PYY: variants seen among roughly 807,000 people sequenced by gnomAD.
The protein encoded by PYY is peptide tyrosine tyrosine.
PYY carries 12 observed loss-of-function variants against 10.3 expected under a neutral mutation model. That is an observed-to-expected ratio of 1.17 (90% confidence interval 0.75 to 1.89). The LOEUF is 1.89. PYY is among the 40% of genes most tolerant of loss of function. PYY has a pLI of 0.00. For missense variants in PYY, 141 were observed against 134.0 expected (o/e 1.05, Z -0.26); for synonymous variants, 66 against 62.0 (o/e 1.06, Z -0.30).
chr17:43,979,066 G>T (rs1273791809), intron 1 of PYY, among the ~76,000 whole-genome samples: 1 of 152,208 alleles, frequency 6.6e-6, no homozygotes, highest in Non-Finnish European at 1.5e-5. Flanking sequence ...AAAGTGAAAA[G>T]CTGGAAGGAT....
chr17:43,983,246 A>AAACAAC (rs529327957), intron 1 of PYY, among the ~76,000 whole-genome samples: 7 of 152,054 alleles, frequency 4.6e-5, no homozygotes, highest in African/African-American at 9.6e-5. Flanking sequence ...AACAAACAAA[A>AAACAAC]AACAACAACA....
intron 1 of PYY, among the ~76,000 whole-genome samples, chr17:43,970,333 C>G (rs1021615992): frequency 1.3e-5 from 2 of 150,894 alleles, no homozygotes; most frequent in African/African-American, 4.9e-5. Flanking sequence ...CATGAAAAAA[C>G]CCCATCTCTA....
chr17:43,990,744 C>T lies in PYY; in HGVS notation c.-463+13647G>A, dbSNP rs960231197. Among the ~76,000 whole-genome samples the T allele has an allele frequency of 2.7e-5, 4 of 150,122 alleles. No homozygotes were observed. The East Asian group carries it at 5.9e-4, about 22-fold the overall frequency. On this transcript the variant is annotated intron_variant, in intron 1 of 6. Transcript: ENST00000360085. Reference sequence around the variant, plus strand: ...CTACAATGTAACACTATGCAGTCACCTAAAAGATGATTACGAAATTTATGA... The same window carrying T: ...CTACAATGTAACACTATGCAGTCACTTAAAAGATGATTACGAAATTTATGA...
upstream of PYY, among the ~76,000 whole-genome samples, chr17:43,957,058 C>T (rs576362443): frequency 2.0e-4 from 31 of 151,958 alleles, no homozygotes; most frequent in Non-Finnish European, 3.2e-4. Flanking sequence ...ATTAGCCAAG[C>T]GTCGTGGCGC....
intron 1 of PYY, among the ~76,000 whole-genome samples, chr17:43,984,716 T>C (rs1034159645): frequency 2.6e-5 from 4 of 152,226 alleles, no homozygotes; most frequent in African/African-American, 9.6e-5. Flanking sequence ...GGAAGGCCCA[T>C]ACCAGGCAGT....
At chr17:43,977,063 C>T (rs2048854139) in intron 1 of PYY, among the ~76,000 whole-genome samples, 1 of 152,200 alleles carries the variant, frequency 6.6e-6, no homozygotes, top group Admixed American at 6.5e-5. Flanking sequence ...TCCACCCTCT[C>T]ATGTCCCCCC....
At chr17:43,964,579 C>T (rs1384606274) in intron 2 of PYY, among the ~76,000 whole-genome samples, 2 of 152,106 alleles carry the variant, frequency 1.3e-5, no homozygotes, top group South Asian at 2.1e-4. Flanking sequence ...GGAGAAACCC[C>T]GTCTCTACTA....
chr17:44,003,859 G>A (rs2049049952), intron 1 of PYY, among the ~76,000 whole-genome samples: 2 of 151,646 alleles, frequency 1.3e-5, no homozygotes, highest in Admixed American at 6.6e-5. Context: ...GCATGGTGGT[G>A]TGCATTTGTG....
At chr17:43,998,741 G>A (rs909382955) in intron 1 of PYY, among the ~76,000 whole-genome samples, 3 of 152,122 alleles carry the variant, frequency 2.0e-5, no homozygotes, top group Non-Finnish European at 2.9e-5. Context: ...GCTGATCATA[G>A]ATTTTTGGCT....
chr17:43,974,025 T>A (rs1005949384), intron 1 of PYY, among the ~76,000 whole-genome samples: 5 of 152,080 alleles, frequency 3.3e-5, no homozygotes, highest in African/African-American at 1.2e-4. Flanking sequence ...GGCTGTTGCT[T>A]CCCAGTCTGG....
In PYY at chr17:43,953,337, G is replaced by C. The variant is rs1370307142; in HGVS notation, c.147C>G (p.Tyr49Ter). The C allele has an allele frequency of 3.0e-5, 49 of 1,612,592 alleles. No individual in the cohort carries two copies. Among genetic ancestry groups the C allele is most frequent in the Non-Finnish European group, 4.2e-5 (49 of 1,179,538 alleles). The change falls in exon 2 of 4, where the codon TAC becomes TAG. Residue 49 changes from tyrosine to a stop codon, truncating the protein, a stop_gained. Transcript: ENST00000692052. LOFTEE classifies it high-confidence loss of function. The stretch of plus-strand genomic sequence containing the variant: ...GGTTGAGGTAGTGGCGCAGGGAGGC[G>C]TAGTAGCGGTTCAGCTCCTCCGGCG... The part of the protein sequence containing the change: ...DASPEELNRY[Y>*]ASLRHYLNLV...
chr17:43,999,388 T>C (rs1243091185), intron 1 of PYY, among the ~76,000 whole-genome samples: 5 of 151,852 alleles, frequency 3.3e-5, no homozygotes, highest in African/African-American at 7.3e-5. Context: ...AGCAAAGAAT[T>C]GGGGCAACAT....
upstream of PYY, among the ~76,000 whole-genome samples, chr17:43,955,168 G>A (rs1284378645): frequency 1.3e-5 from 2 of 152,192 alleles, no homozygotes; most frequent in East Asian, 3.9e-4. Context: ...AGGACCTTCA[G>A]ACTGCCAACC....
At chr17:43,979,636 C>T (rs2048869820) in intron 1 of PYY, among the ~76,000 whole-genome samples, 1 of 151,878 alleles carries the variant, frequency 6.6e-6, no homozygotes, top group Non-Finnish European at 1.5e-5. Context: ...TATGATGGCA[C>T]CGCTGCACTC....
intron 1 of PYY, among the ~76,000 whole-genome samples, chr17:43,993,726 T>C (rs1317135972): frequency 6.6e-6 from 1 of 152,128 alleles, no homozygotes. Context: ...TAAAAAGAGC[T>C]TGAAAAGAAA....
At chr17:43,967,056 A>G (rs1401702111) in intron 1 of PYY, among the ~76,000 whole-genome samples, 1 of 152,316 alleles carries the variant, frequency 6.6e-6, no homozygotes, top group East Asian at 1.9e-4. Context: ...TAATCCTAGC[A>G]CTTTGGGAGG....
chr17:43,980,168 T>C (rs1427674332), intron 1 of PYY, among the ~76,000 whole-genome samples: 4 of 145,712 alleles, frequency 2.7e-5, no homozygotes, highest in Non-Finnish European at 6.0e-5. Flanking sequence ...TTTTTTTTTT[T>C]TTTTTTTTTT....
intron 1 of PYY, among the ~76,000 whole-genome samples, chr17:43,993,033 G>A (rs551927722): frequency 2.0e-5 from 3 of 152,294 alleles, no homozygotes; most frequent in Non-Finnish European, 2.9e-5. Context: ...AAAATGCTGC[G>A]CCGGGCGCTG....
rs779932084 is a variant in PYY, at chr17:43,953,201, G to A, written c.189-12C>T. ...CTCTTTTCCCATACCTGGGGGCGGG[G>A]AAGGGAAGAGCGTGGTCAGATCTGG... On this transcript the variant is annotated splice_polypyrimidine_tract_variant and intron_variant, in intron 2 of 3. Coordinates refer to ENST00000692052, the MANE Select transcript of PYY (RefSeq NM_001394028.1). 1 of 1,613,692 alleles carries A rather than the reference G, an allele frequency of 6.2e-7. No individual in the cohort carries two copies. Among genetic ancestry groups the A allele is most frequent in the South Asian group, 1.1e-5 (1 of 91,060 alleles).
Sources: allele counts gnomAD v4.1 joint callset (sites outside exome capture counted in the v4.1 genomes callset), GRCh38; gene constraint gnomAD v4.1.1; transcripts MANE v1.5; gene names NCBI Gene and HGNC (gene_info 2026-07-23, HGNC 2026-07-21).